RIT2: variants seen among roughly 807,000 people sequenced by gnomAD.
RIT2 encodes the protein Ras like without CAAX 2.
In RIT2, 24 loss-of-function variants were observed where a neutral mutation model predicts 23.7. The observed-to-expected ratio is 1.01, with a 90% CI of 0.73 to 1.43. The LOEUF (loss-of-function observed/expected upper bound fraction) is 1.43, where lower values mean the gene tolerates loss of function less well. Ranked by LOEUF, RIT2 falls within the 40% of genes most tolerant of loss-of-function variation. The pLI is 0.00. For missense variants in RIT2, 236 were observed against 266.9 expected, an observed-to-expected ratio of 0.88 and a Z score of 0.81; for synonymous variants, 107 against 91.1, an observed-to-expected ratio of 1.17 and a Z score of -0.99.
intron 1 of RIT2, among the ~76,000 whole-genome samples, chr18:43,107,986 AC>A (rs1469606099): frequency 1.5e-5 from 2 of 133,498 alleles, no homozygotes; most frequent in African/African-American, 5.7e-5. Flanking sequence ...ACACGGTGAT[AC>A]CCCGTCTCTA....
intron 4 of RIT2, among the ~76,000 whole-genome samples, chr18:42,857,527 C>G (rs1046212384): frequency 6.6e-6 from 1 of 152,262 alleles, no homozygotes; most frequent in East Asian, 1.9e-4. Context: ...AAATAAATTA[C>G]TAAAAATACC....
intron 4 of RIT2, among the ~76,000 whole-genome samples, chr18:42,846,741 A>T (rs972280210): frequency 1.3e-5 from 2 of 152,180 alleles, no homozygotes; most frequent in Non-Finnish European, 2.9e-5. Context: ...TCATTAATGT[A>T]AAAATATTTA....
At chr18:42,850,431 T>C (rs1907021791) in intron 4 of RIT2, among the ~76,000 whole-genome samples, 1 of 152,204 alleles carries the variant, frequency 6.6e-6, no homozygotes, top group Non-Finnish European at 1.5e-5. Flanking sequence ...GACATAAATC[T>C]GGTGGCAGAC....
intron 4 of RIT2, among the ~76,000 whole-genome samples, chr18:42,830,380 G>A (rs73470083): frequency 0.021 from 3,134 of 152,258 alleles, 97 homozygotes; most frequent in African/African-American, 0.069. Context: ...TCTTTACTGT[G>A]ATAAGATGGT....
At chr18:43,052,693 T>C (rs1468232124) in intron 1 of RIT2, among the ~76,000 whole-genome samples, 1 of 152,092 alleles carries the variant, frequency 6.6e-6, no homozygotes, top group Non-Finnish European at 1.5e-5. Flanking sequence ...TTTAAACTCA[T>C]AACATTTAGC....
At chr18:43,015,745 G>A (rs770664108) in intron 2 of RIT2, among the ~76,000 whole-genome samples, 8 of 151,678 alleles carry the variant, frequency 5.3e-5, no homozygotes, top group African/African-American at 9.7e-5. Flanking sequence ...TGAGCCATAA[G>A]CTGTGGGATT....
chr18:42,813,895 T>TGCCCAAAC (rs1228741948), intron 4 of RIT2, among the ~76,000 whole-genome samples: 1 of 152,134 alleles, frequency 6.6e-6, no homozygotes, highest in East Asian at 1.9e-4. Context: ...ATACTGTGAG[T>TGCCCAAAC]GCCCAAACTG....
intron 1 of RIT2, among the ~76,000 whole-genome samples, chr18:43,044,260 T>C (rs1192541824): frequency 2.6e-5 from 4 of 152,312 alleles, no homozygotes; most frequent in Non-Finnish European, 5.9e-5. Context: ...GTAAGAGGTA[T>C]CCCGATCCCA....
chr18:42,947,476 T>C (rs1234144912), intron 3 of RIT2, among the ~76,000 whole-genome samples: 1 of 152,140 alleles, frequency 6.6e-6, no homozygotes, highest in African/African-American at 2.4e-5. Context: ...TGCTTTGGAT[T>C]TCCTTTATTA....
chr18:42,945,576 A>G (rs899264752), intron 3 of RIT2, among the ~76,000 whole-genome samples: 1 of 152,176 alleles, frequency 6.6e-6, no homozygotes, highest in African/African-American at 2.4e-5. Context: ...GTGTTTACCC[A>G]TGACAGAAGA....
intron 4 of RIT2, among the ~76,000 whole-genome samples, chr18:42,784,702 G>T (rs897106173): frequency 6.6e-6 from 1 of 152,062 alleles, no homozygotes; most frequent in Non-Finnish European, 1.5e-5. Flanking sequence ...TCCATATTCA[G>T]TCAAATCTTT....
At chr18:42,872,474 G>T (rs1425702571) in intron 4 of RIT2, among the ~76,000 whole-genome samples, 1 of 152,134 alleles carries the variant, frequency 6.6e-6, no homozygotes, top group Non-Finnish European at 1.5e-5. Flanking sequence ...GCCTGGATTT[G>T]CATCCTGTGC....
chr18:42,780,976 A>C (rs1913798920), intron 4 of RIT2, among the ~76,000 whole-genome samples: 1 of 152,146 alleles, frequency 6.6e-6, no homozygotes. Flanking sequence ...TGAGGCAAAA[A>C]GAAAGTAAAT....
chr18:42,848,195 C>A (rs1906959075), intron 4 of RIT2, among the ~76,000 whole-genome samples: 1 of 152,102 alleles, frequency 6.6e-6, no homozygotes, highest in Non-Finnish European at 1.5e-5. Context: ...AAAGGCAATT[C>A]TCGCTCCAAA....
intron 2 of RIT2, among the ~76,000 whole-genome samples, chr18:43,002,580 T>C (rs1450168886): frequency 1.3e-5 from 2 of 151,934 alleles, no homozygotes; most frequent in African/African-American, 2.4e-5. Context: ...ACTGGCTGCA[T>C]GATGCACTAG....
At chr18:42,843,007 G>A (rs930166143) in intron 4 of RIT2, among the ~76,000 whole-genome samples, 1 of 152,064 alleles carries the variant, frequency 6.6e-6, no homozygotes, top group Non-Finnish European at 1.5e-5. Context: ...TTATGTTTTT[G>A]TTAGAATCAA....
chr18:42,877,400 T>C (rs2144072860), intron 4 of RIT2, among the ~76,000 whole-genome samples: 1 of 151,582 alleles, frequency 6.6e-6, no homozygotes, highest in South Asian at 2.1e-4. Flanking sequence ...ATTGCTATTG[T>C]TATCGTCCCA....
rs1248965360 is a variant in RIT2, at chr18:42,920,890, T to C, written c.426+2682A>G. On this transcript the variant is annotated intron_variant, in intron 4 of 4. Transcript: ENST00000326695. ...CTCTAGGAATTCTCAGAGAATTCTTTTGAGCTGCAAACCATCCAGGTGTCA... is the reference window on the plus strand; with the variant it reads ...CTCTAGGAATTCTCAGAGAATTCTTCTGAGCTGCAAACCATCCAGGTGTCA... 3 of 658,426 alleles carry C rather than the reference T, an allele frequency of 4.6e-6. No homozygotes were observed. In the African/African-American group the frequency reaches 5.4e-5, roughly 12 times the overall value. The allele number at this position is 658,426 out of a possible 1,614,324, so 40.8% of individuals were successfully genotyped here.
intron 4 of RIT2, among the ~76,000 whole-genome samples, chr18:42,912,315 C>T (rs1219433295): frequency 6.6e-6 from 1 of 151,540 alleles, no homozygotes; most frequent in East Asian, 1.9e-4. Flanking sequence ...AAAAACTACA[C>T]CAAACATCAT....
Sources: gnomAD v4.1 joint callset for allele counts (sites outside exome capture counted in the v4.1 genomes callset) on GRCh38, gnomAD v4.1.1 for gene constraint, MANE v1.5 for transcripts, NCBI Gene and HGNC (gene_info 2026-07-23, HGNC 2026-07-21) for gene names.